PTCH1: variants seen among roughly 807,000 people sequenced by gnomAD.
The protein encoded by PTCH1 is patched 1.
A neutral mutation model predicts 144.6 loss-of-function variants in PTCH1; 14 were observed. That is an observed-to-expected ratio of 0.10 (90% CI 0.06 to 0.15). PTCH1 has a LOEUF of 0.15. Among genes scored for constraint, PTCH1 ranks in the 10% least tolerant of loss-of-function variants. The pLI, the probability that PTCH1 is intolerant of heterozygous loss-of-function variation, is 1.00. For synonymous variants in PTCH1, 833 were observed against 793.6 expected, an observed-to-expected ratio of 1.05 and a Z score of -0.83; for missense variants, 1,623 against 1,948.3, an observed-to-expected ratio of 0.83 and a Z score of 3.14.
rs771678354 is a variant in PTCH1 at position 95,447,465 on chromosome 9, G to C, written c.3805-14C>G. 1.9e-5 allele frequency: 30 copies of C among 1,553,272 alleles called. No homozygotes were observed. The Admixed American group carries it at 2.5e-4, about 13-fold the overall frequency. On this transcript the variant is annotated splice_polypyrimidine_tract_variant and intron_variant, in intron 22 of 23. Coordinates refer to ENST00000331920, the MANE Select transcript of PTCH1 (RefSeq NM_000264.5). ...GGGATGGACCACCTGCAGAGGGTGA[G>C]GGTGGGTTAGAAGGGTGGTATCCCA... is the stretch of plus-strand genomic sequence containing the variant.
chr9:95,505,175 C>G (rs908531252), intron 2 of PTCH1, among the ~76,000 whole-genome samples: 4 of 152,178 alleles, frequency 2.6e-5, no homozygotes, highest in Non-Finnish European at 4.4e-5. Context: ...TCTTCACAAA[C>G]AAGGAGAGAT....
At chr9:95,453,297 A>C (rs895045562) in intron 20 of PTCH1, 181 bp downstream of exon 20, 2 of 828,510 alleles carry the variant, frequency 2.4e-6, no homozygotes, top group South Asian at 1.6e-5. Context: ...ACGCCCGGCT[A>C]ATTTTTGTAT....
intron 2 of PTCH1, 193 bp downstream of exon 2, chr9:95,506,214 G>A (rs1034037735): frequency 1.3e-5 from 8 of 602,962 alleles, no homozygotes; most frequent in East Asian, 1.0e-4. Context: ...AGCGCCCCGA[G>A]TAGATTACAG....
In PTCH1 at chr9:95,481,937, T is replaced by TCA. The variant is rs770615351; in HGVS notation, c.746+10_746+11dup. The TCA allele has an allele frequency of 1.9e-6, 3 of 1,593,250 alleles. No homozygotes were observed. In the African/African-American group the frequency reaches 4.0e-5, roughly 21 times the overall value. On this transcript the variant is annotated intron_variant, in intron 5 of 23. Coordinates refer to ENST00000331920, the MANE Select transcript of PTCH1 (RefSeq NM_000264.5). ...AAGTCACAGACATCAGAAAGCATGA[T>TCA]CACACACTTACAGGAGGTATGCTGT...
In PTCH1 at chr9:95,476,708, C is replaced by G. The variant is rs1197218261; in HGVS notation, c.1602+51G>C. On this transcript the variant is annotated intron_variant, in intron 11 of 23. Coordinates refer to ENST00000331920, the MANE Select transcript of PTCH1 (RefSeq NM_000264.5). This position sits in a 1 kb window ranked among gnomAD's most constrained non-coding sequence, Gnocchi z 4.6. ...AAATTAAAGGACAAATACTTAGGAA[C>G]AGAGGAAGCTGTGATGTCCCCAAAG... 4 of 1,519,184 alleles carry G rather than the reference C, an allele frequency of 2.6e-6. No individual in the cohort carries two copies. Among genetic ancestry groups the G allele is most frequent in the Non-Finnish European group, 3.6e-6 (4 of 1,103,038 alleles). 94.1% of individuals were successfully genotyped at this position (1,519,184 alleles called of 1,614,324 possible). A position where few individuals can be genotyped will look rare whatever the true frequency, so the allele number is the denominator to read the frequency against.
upstream of PTCH1, among the ~76,000 whole-genome samples, chr9:95,511,042 C>A (rs1260919908): frequency 6.7e-6 from 1 of 150,106 alleles, no homozygotes; most frequent in African/African-American, 2.4e-5. Context: ...CGGACCGGCC[C>A]CCTTACGCTG....
chr9:95,482,630 T>C (rs1054097036), intron 3 of PTCH1: 70 of 282,602 alleles, frequency 2.5e-4, no homozygotes, highest in Admixed American at 4.1e-4. Flanking sequence ...TGGCAGATCA[T>C]GTCCTTAATA....
rs112914470 is a variant in PTCH1, at chr9:95,516,676, TTTC to T, written c.-208_-206del. ...CTGTCGTCTTTTTCTTCTCCTCCGT[TTTC>T]TTCTTCTTCTTCTCCTCCTCCTCCG... On this transcript the variant is annotated 5_prime_UTR_variant, in exon 1 of 23. Transcript: ENST00000430669. 1.6e-4 allele frequency: 253 copies of T among 1,611,994 alleles called. 1 individual carries two copies. The highest frequency in any genetic ancestry group is 4.0e-4 in the African/African-American group (30 of 74,606).
At position 95,459,653 on chromosome 9, in the gene PTCH1, C is replaced by A. The variant is rs201118857; in HGVS notation, c.2834G>T (p.Arg945Leu). 6.2e-7 allele frequency: 1 copy of A among 1,614,136 alleles called. No homozygotes were observed. Among genetic ancestry groups the A allele is most frequent in the South Asian group, 1.1e-5 (1 of 91,072 alleles). Reference sequence around the variant, plus strand: ...GGCTTTGTCGTGGACCCATTCTGGTCGGTGTGGCCGGATGTTGGCCTGGGA... The same window carrying A: ...GGCTTTGTCGTGGACCCATTCTGGTAGGTGTGGCCGGATGTTGGCCTGGGA... ...AASQANIRPH[R>L]PEWVHDKADY... The change falls in exon 17 of 24, where the codon CGA (arginine) becomes CTA (leucine). Residue 945 changes from arginine to leucine, a missense_variant. Physicochemically the swap from Arg to Leu is moderately radical, Grantham distance 102. This residue lies in a region of PTCH1 where 504 missense variants were observed against 679.3 expected (regional missense o/e 0.74). Coordinates refer to ENST00000331920, the MANE Select transcript of PTCH1 (RefSeq NM_000264.5).
intron 2 of PTCH1, among the ~76,000 whole-genome samples, chr9:95,493,847 C>G (rs1027814631): frequency 6.6e-6 from 1 of 151,934 alleles, no homozygotes; most frequent in African/African-American, 2.4e-5. Context: ...GCTGAAAATT[C>G]ACGGGCTGTG....
At chr9:95,502,645 TA>T (rs1284486114) in intron 2 of PTCH1, among the ~76,000 whole-genome samples, 1 of 152,248 alleles carries the variant, frequency 6.6e-6, no homozygotes, top group Non-Finnish European at 1.5e-5. Context: ...GACAGTTTAT[TA>T]AAAGGCAATC....
intron 1 of PTCH1, 104 bp from the exon 2 acceptor site, chr9:95,506,703 G>T (rs1843681297): frequency 8.4e-7 from 1 of 1,183,828 alleles, no homozygotes; most frequent in East Asian, 3.3e-5. Context: ...CAGCCGTGGG[G>T]GCGCGGGTGG....
At chr9:95,516,971 G>A (rs1258273819) in exon 1 of PTCH1, 6 of 550,220 alleles carry the variant, frequency 1.1e-5, no homozygotes, top group African/African-American at 7.9e-5. Context: ...TGGGTAAACA[G>A]GCGCTCCCCT....
In PTCH1 at chr9:95,492,017, A is replaced by T. The variant is rs547373503; in HGVS notation, c.395-6143T>A. The stretch of plus-strand genomic sequence containing the variant: ...AAATCAAAGAGAGACGTCTTAAGAC[A>T]GAAACTATTGTTAATGAGGCCGGTG... On this transcript the variant is annotated intron_variant, in intron 2 of 23. Transcript: ENST00000331920. Among the ~76,000 whole-genome samples the T allele has an allele frequency of 9.4e-4, 144 of 152,384 alleles. 1 individual carries two copies. The highest frequency in any genetic ancestry group is 3.2e-3 in the African/African-American group (132 of 41,600).
rs1238765526 is a variant in PTCH1 at position 95,444,080 on chromosome 9, T to C, written c.*2313A>G. On this transcript the variant is annotated 3_prime_UTR_variant, in exon 24 of 24. Transcript: ENST00000331920. ...ACTGTAGAGGAAAACATTCTTATGATACAAAATTATAAATATCAGCAAAGT... is the reference window on the plus strand; with the variant it reads ...ACTGTAGAGGAAAACATTCTTATGACACAAAATTATAAATATCAGCAAAGT... 6.6e-6 allele frequency: 1 copy of C among 152,008 alleles called. No individual in the cohort carries two copies. Among genetic ancestry groups the C allele is most frequent in the African/African-American group, 2.4e-5 (1 of 41,262 alleles). 9.4% of individuals were successfully genotyped at this position (152,008 alleles called of 1,614,324 possible).
At chr9:95,489,739 T>C (rs1842235632) in intron 2 of PTCH1, among the ~76,000 whole-genome samples, 2 of 152,106 alleles carry the variant, frequency 1.3e-5, no homozygotes, top group African/African-American at 4.8e-5. Context: ...GTATCTGTTA[T>C]GTAGATGTAG....
Position 95,485,792 on chromosome 9 carries a change from T to C in PTCH1, c.477A>G (p.Ile159Met). Residue 159 changes from isoleucine (I) to methionine (M), a missense_variant, in exon 3 of 24, where the codon ATA (isoleucine) becomes ATG (methionine). Ile to Met is a conservative substitution (Grantham distance 10). Coordinates refer to ENST00000331920, the MANE Select transcript of PTCH1 (RefSeq NM_000264.5). ...EEAMFNPQLM[I>M]QTPKEEGANV... ...TAGCACCTTCTTCTTTAGGGGTCTG[T>C]ATCATGAGTTGAGGATTAAACATAG... 6.2e-7 allele frequency: 1 copy of C among 1,614,202 alleles called. No homozygotes were observed. The highest frequency in any genetic ancestry group is 8.5e-7 in the Non-Finnish European group (1 of 1,180,022).
At chr9:95,509,530 C>T (rs544946970), upstream of PTCH1, among the ~76,000 whole-genome samples, 6 of 152,320 alleles carry the variant, frequency 3.9e-5, no homozygotes, top group African/African-American at 1.4e-4. Flanking sequence ...AAGGAATGCT[C>T]CCCCTCCTTT....
At chr9:95,479,901 G>A (rs2118382920) in intron 7 of PTCH1, 68 bp downstream of exon 7, 1 of 1,609,646 alleles carries the variant, frequency 6.2e-7, no homozygotes, top group Admixed American at 1.7e-5. Context: ...CCGATGTCAG[G>A]AGGGAAGTGG....
Sources: gnomAD v4.1 joint callset for allele counts (sites outside exome capture counted in the v4.1 genomes callset) on GRCh38, gnomAD v4.1.1 for gene constraint, gnomAD v4.1.1 regional missense constraint, Gnocchi (gnomAD v3.1) non-coding constraint, MANE v1.5 for transcripts, NCBI Gene and HGNC (gene_info 2026-07-23, HGNC 2026-07-21) for gene names.